Variants in PARVB observed in about 807,000 individuals in gnomAD.
PARVB encodes the protein parvin beta.
Under a neutral mutation model 47.0 loss-of-function variants are expected in PARVB, and 46 were observed. The observed-to-expected ratio is 0.98, with a 90% CI of 0.77 to 1.25. The LOEUF is 1.25. Among genes scored for constraint, PARVB ranks in the 50% most tolerant of loss-of-function variants. PARVB has a pLI of 0.00. For missense variants in PARVB, 473 were observed against 471.6 expected, an observed-to-expected ratio of 1.00 and a Z score of -0.03; for synonymous variants, 196 against 196.3, an observed-to-expected ratio of 1.00 and a Z score of 0.01.
At chr22:44,157,927 A>C in intron 10 of PARVB, 55 bp from the exon 11 acceptor site, 2 of 1,301,156 alleles carry the variant, frequency 1.5e-6, no homozygotes, top group Non-Finnish European at 2.2e-6. Context: ...AGTTTGTGCA[A>C]AGCATTTGCC....
At chr22:44,144,278 A>G (rs1005877850) in intron 8 of PARVB, 2 of 152,146 alleles carry the variant, frequency 1.3e-5, no homozygotes, top group African/African-American at 4.8e-5. Context: ...ATAAAAGAGG[A>G]GAGTGTCTAG....
At chr22:44,147,814 C>A in intron 8 of PARVB, 47 bp from the exon 9 acceptor site, 2 of 1,548,778 alleles carry the variant, frequency 1.3e-6, no homozygotes, top group Non-Finnish European at 1.8e-6. Flanking sequence ...GGCAGCACCA[C>A]GGGTTTCCAT....
intron 1 of PARVB, among the ~76,000 whole-genome samples, chr22:44,067,143 C>T (rs2051553215): frequency 6.6e-6 from 1 of 152,162 alleles, no homozygotes; most frequent in African/African-American, 2.4e-5. Flanking sequence ...TGCCAGGCCC[C>T]TTTAATTTAT....
intron 2 of PARVB, among the ~76,000 whole-genome samples, chr22:44,016,310 A>T (rs7289219): frequency 0.42 from 63,853 of 151,402 alleles, 13,781 homozygotes; most frequent in Middle Eastern, 0.5. Flanking sequence ...GTTAGCCAGG[A>T]TGGTCTCGAT....
At chr22:44,119,702 G>A (rs1346268250) in intron 4 of PARVB, 2 of 484,516 alleles carry the variant, frequency 4.1e-6, no homozygotes, top group Admixed American at 2.3e-5. Context: ...GGGTACCAGG[G>A]ATACGGTGAT....
chr22:44,031,009 A>T (rs1302697547), intron 1 of PARVB, among the ~76,000 whole-genome samples: 1 of 152,014 alleles, frequency 6.6e-6, no homozygotes, highest in African/African-American at 2.4e-5. Context: ...GGAAGAGGGG[A>T]TGGTGGAGGT....
upstream of PARVB, chr22:44,024,249 G>T (rs1452174290): frequency 2.6e-5 from 16 of 617,226 alleles, no homozygotes; most frequent in Non-Finnish European, 3.0e-5. Context: ...CGGGGCGGGG[G>T]CCGGCGGCGG....
chr22:44,003,479 A>G (rs746342207), intron 2 of PARVB, among the ~76,000 whole-genome samples: 1 of 152,156 alleles, frequency 6.6e-6, no homozygotes, highest in Non-Finnish European at 1.5e-5. Flanking sequence ...TGTATCTAGT[A>G]AAGGCTAAGT....
chr22:44,163,836 AC>A, intron 11 of PARVB, 21 bp from the exon 12 acceptor site: 15 of 1,075,710 alleles, frequency 1.4e-5, no homozygotes, highest in Non-Finnish European at 1.9e-5. Flanking sequence ...CCTAACGCTG[AC>A]CCACCCCCCT....
chr22:44,139,448 T>C (rs1370000644), intron 7 of PARVB: 1 of 152,720 alleles, frequency 6.5e-6, no homozygotes, highest in Non-Finnish European at 1.5e-5. Flanking sequence ...TTGTTTTGTT[T>C]GTTTGTTTGT....
intron 7 of PARVB, 113 bp from the exon 8 acceptor site, chr22:44,140,011 C>A: frequency 8.9e-6 from 1 of 112,552 alleles, no homozygotes; most frequent in Non-Finnish European, 1.4e-5. Context: ...TTTACCTGGG[C>A]AGCGAGGGCC....
intron 2 of PARVB, among the ~76,000 whole-genome samples, chr22:44,010,785 T>C (rs2050513993): frequency 6.6e-6 from 1 of 152,152 alleles, no homozygotes; most frequent in Non-Finnish European, 1.5e-5. Context: ...TTTTAAATGT[T>C]TGGGACCAAA....
chr22:44,088,431 A>G (rs1013750773), intron 1 of PARVB, among the ~76,000 whole-genome samples: 9 of 152,162 alleles, frequency 5.9e-5, no homozygotes, highest in Non-Finnish European at 1.0e-4. Flanking sequence ...CTAACAGCAC[A>G]GGACCAGCCA....
rs539347728 is a variant in PARVB, at chr22:44,171,211, C to G, written c.*2533C>G. 6.6e-6 allele frequency: 1 copy of G among 152,296 alleles called. No individual in the cohort carries two copies. The allele number at this position is 152,296 out of a possible 1,614,324, so 9.4% of individuals were successfully genotyped here. On this transcript the variant is annotated 3_prime_UTR_variant, in exon 13 of 13. Transcript: ENST00000338758. ...GGATTGGGATTTGAAAAGAACAGAGCTTGGCCAGGTGCGGTGGCTCACGCC... is the reference window on the plus strand; with the variant it reads ...GGATTGGGATTTGAAAAGAACAGAGGTTGGCCAGGTGCGGTGGCTCACGCC...
intron 10 of PARVB, among the ~76,000 whole-genome samples, chr22:44,154,913 G>T (rs1470605441): frequency 1.4e-5 from 2 of 145,432 alleles, no homozygotes; most frequent in Admixed American, 6.9e-5. Flanking sequence ...TGGTGTGTGT[G>T]TGGTTTATGC....
chr22:44,024,393 C>G lies in PARVB; in HGVS notation c.54C>G (p.Asp18Glu), dbSNP rs2050693745. The change falls in exon 1 of 13, where the codon GAC becomes GAG. Residue 18 changes from aspartate to glutamate, a missense_variant. Asp to Glu is a conservative substitution (Grantham distance 45). Coordinates refer to ENST00000338758, the MANE Select transcript of PARVB (RefSeq NM_013327.5). ...PTPRPRRMKKDESFLGKLGGT... is the reference protein window; with the variant it reads ...PTPRPRRMKKEESFLGKLGGT... Reference sequence around the variant, plus strand: ...CGCGGCCCCGCAGGATGAAGAAGGACGAGTCGTTCCTGGGCAAGCTGGGCG... The same window carrying G: ...CGCGGCCCCGCAGGATGAAGAAGGAGGAGTCGTTCCTGGGCAAGCTGGGCG... 8 of 1,256,944 alleles carry G rather than the reference C, an allele frequency of 6.4e-6. No individual in the cohort carries two copies. Among genetic ancestry groups the G allele is most frequent in the South Asian group, 2.0e-5 (1 of 49,848 alleles). The allele number at this position is 1,256,944 out of a possible 1,614,324, so 77.9% of individuals were successfully genotyped here. A position where few individuals can be genotyped will look rare whatever the true frequency, so the allele number is the denominator to read the frequency against.
At chr22:44,132,223 G>C (rs1417282182) in intron 5 of PARVB, among the ~76,000 whole-genome samples, 1 of 152,146 alleles carries the variant, frequency 6.6e-6, no homozygotes, top group African/African-American at 2.4e-5. Flanking sequence ...CTCAGTGGTA[G>C]GCAGGAGACC....
At chr22:44,039,157 C>T (rs1482333815) in intron 1 of PARVB, among the ~76,000 whole-genome samples, 1 of 152,108 alleles carries the variant, frequency 6.6e-6, no homozygotes, top group Non-Finnish European at 1.5e-5. Flanking sequence ...TGGTGTGGCC[C>T]CTCAGGAAAT....
Position 44,112,851 on chromosome 22 carries a change from G to C in PARVB, c.274-6187G>C, listed in dbSNP as rs1317623122. 8.9e-4 allele frequency: 90 copies of C among 100,856 alleles called. 1 individual carries two copies. Among genetic ancestry groups the C allele is most frequent in the African/African-American group, 3.3e-3 (63 of 19,192 alleles). The allele number at this position is 100,856 out of a possible 1,614,324, so 6.2% of individuals were successfully genotyped here. On this transcript the variant is annotated intron_variant, in intron 3 of 12. Transcript: ENST00000338758. ...ACCAACACAGATACGTTGTTACTAA[G>C]TAAGGCCCTGCACCAACACAGATAC...
Sources: gnomAD v4.1 joint callset for allele counts (sites outside exome capture counted in the v4.1 genomes callset) on GRCh38, gnomAD v4.1.1 for gene constraint, MANE v1.5 for transcripts, NCBI Gene and HGNC (gene_info 2026-07-23, HGNC 2026-07-21) for gene names.